The following CRACD variants were observed in gnomAD, a reference collection of about 807,000 sequenced individuals.
CRACD encodes capping protein-inhibiting regulator of actin dynamics.
CRACD carries 56 observed loss-of-function variants against 106.8 expected under a neutral mutation model. The ratio of observed to expected loss-of-function variants is 0.52; its 90% CI spans 0.42 to 0.66. CRACD has a LOEUF of 0.66. CRACD is among the 30% of genes least tolerant of loss of function. The probability of loss-of-function intolerance (pLI) is 0.00; values close to 1 mark genes in which losing one functional copy is unlikely to be tolerated. For missense variants in CRACD, 1,730 were observed against 1,623.2 expected, an observed-to-expected ratio of 1.07 and a Z score of -1.13; for synonymous variants, 754 against 670.8, an observed-to-expected ratio of 1.12 and a Z score of -1.92.
intron 2 of CRACD, among the ~76,000 whole-genome samples, chr4:56,261,364 T>C (rs1480135372): frequency 2.0e-5 from 3 of 150,064 alleles, no homozygotes; most frequent in Non-Finnish European, 4.4e-5. Context: ...TCTTCTTCTT[T>C]TTTTTTTTTT....
intron 1 of CRACD, among the ~76,000 whole-genome samples, chr4:56,130,670 A>G (rs1325727236): frequency 2.0e-5 from 3 of 152,200 alleles, no homozygotes; most frequent in Non-Finnish European, 4.4e-5. Context: ...TGATTTGCTC[A>G]TCTACTAGTT....
intron 2 of CRACD, among the ~76,000 whole-genome samples, chr4:56,222,781 GAAAAACAAAAAC>G (rs368424732): frequency 0.018 from 2,717 of 151,590 alleles, 78 homozygotes; most frequent in African/African-American, 0.061. Context: ...CATCTCTACT[GAAAAACAAAAAC>G]AAAAACAAAA....
chr4:56,219,400 T>C (rs1738911860), intron 2 of CRACD, among the ~76,000 whole-genome samples: 1 of 152,194 alleles, frequency 6.6e-6, no homozygotes, highest in Non-Finnish European at 1.5e-5. Flanking sequence ...CAGGCTGGAG[T>C]GCAGTGGTGT....
intron 1 of CRACD, among the ~76,000 whole-genome samples, chr4:56,154,072 A>T (rs934591502): frequency 6.6e-6 from 1 of 152,218 alleles, no homozygotes; most frequent in African/African-American, 2.4e-5. Flanking sequence ...ATTAGAAGAG[A>T]GTCACTGTGG....
chr4:56,074,174 T>C (rs944260862), intron 1 of CRACD, among the ~76,000 whole-genome samples: 1 of 152,224 alleles, frequency 6.6e-6, no homozygotes, highest in Admixed American at 6.5e-5. Flanking sequence ...ACGAGCTCTT[T>C]TTTGGTTCCA....
intron 2 of CRACD, among the ~76,000 whole-genome samples, chr4:56,220,793 G>A (rs1399720860): frequency 1.3e-5 from 2 of 152,152 alleles, no homozygotes; most frequent in Non-Finnish European, 2.9e-5. Context: ...TGTGGGCATA[G>A]TGGATAGCAA....
At chr4:56,172,875 G>A (rs761436855) in intron 1 of CRACD, among the ~76,000 whole-genome samples, 15 of 152,162 alleles carry the variant, frequency 9.9e-5, no homozygotes, top group Non-Finnish European at 1.9e-4. Context: ...GCCCACCTCA[G>A]CCTCCCAAAG....
chr4:56,100,664 T>C (rs67727646), intron 1 of CRACD, among the ~76,000 whole-genome samples: 34,273 of 151,964 alleles, frequency 0.23, 4,100 homozygotes, highest in Middle Eastern at 0.29. Context: ...CCAGTATGAG[T>C]GGTATCCTCA....
intron 1 of CRACD, among the ~76,000 whole-genome samples, chr4:56,094,421 CTTTTTTTTTT>C (rs1050719130): frequency 1.7e-5 from 2 of 117,084 alleles, no homozygotes; most frequent in Admixed American, 8.9e-5. Flanking sequence ...CATATAGATT[CTTTTTTTTTT>C]TTTTTTTTTT....
chr4:56,136,515 G>A (rs1735005102), intron 1 of CRACD, among the ~76,000 whole-genome samples: 1 of 152,156 alleles, frequency 6.6e-6, no homozygotes, highest in East Asian at 1.9e-4. Flanking sequence ...GGCTAATGAT[G>A]TTAAACATCT....
At chr4:56,155,103 G>A (rs1735723320) in intron 1 of CRACD, among the ~76,000 whole-genome samples, 1 of 152,046 alleles carries the variant, frequency 6.6e-6, no homozygotes, top group Non-Finnish European at 1.5e-5. Context: ...TTAAATCTTA[G>A]TGGCTTGCAA....
At chr4:56,091,924 CTTAAA>C (rs1365947226) in intron 1 of CRACD, among the ~76,000 whole-genome samples, 3 of 152,154 alleles carry the variant, frequency 2.0e-5, no homozygotes, top group East Asian at 3.9e-4. Context: ...TGTTATGGAG[CTTAAA>C]TTTTAAACTT....
At chr4:56,247,706 C>T (rs954268132) in intron 2 of CRACD, among the ~76,000 whole-genome samples, 15 of 152,050 alleles carry the variant, frequency 9.9e-5, no homozygotes, top group Non-Finnish European at 2.9e-5. Context: ...ATTAGCTAGG[C>T]GTGTTCATGT....
chr4:56,148,083 C>T (rs953813635), intron 1 of CRACD, among the ~76,000 whole-genome samples: 2 of 152,090 alleles, frequency 1.3e-5, no homozygotes, highest in East Asian at 3.9e-4. Context: ...AGGGAGGCCT[C>T]AGGAAAAACC....
intron 2 of CRACD, among the ~76,000 whole-genome samples, chr4:56,202,649 G>T (rs1283191331): frequency 6.6e-6 from 1 of 152,112 alleles, no homozygotes; most frequent in African/African-American, 2.4e-5. Context: ...AAACTTTAAT[G>T]AATAGGTTTT....
At chr4:56,101,438 C>T (rs1016579562) in intron 1 of CRACD, among the ~76,000 whole-genome samples, 8 of 152,100 alleles carry the variant, frequency 5.3e-5, no homozygotes, top group Non-Finnish European at 8.8e-5. Context: ...TGGCACTTGG[C>T]GTCTGTGTAT....
intron 9 of CRACD, among the ~76,000 whole-genome samples, 162 bp from the exon 10 acceptor site, chr4:56,323,942 G>A (rs530716601): frequency 2.4e-4 from 37 of 152,336 alleles, no homozygotes; most frequent in African/African-American, 8.7e-4. Context: ...CCCCCTCACC[G>A]GAAGCCGTGG....
intron 2 of CRACD, among the ~76,000 whole-genome samples, chr4:56,200,282 T>A (rs76940376): frequency 6.6e-6 from 1 of 152,170 alleles, no homozygotes; most frequent in East Asian, 1.9e-4. Flanking sequence ...CTCATTTTTT[T>A]ATATGAAACA....
At chr4:56,303,807 G>T (rs1167997735) in intron 4 of CRACD, among the ~76,000 whole-genome samples, 1 of 152,220 alleles carries the variant, frequency 6.6e-6, no homozygotes, top group Admixed American at 6.5e-5. Flanking sequence ...TCTCATCCCA[G>T]ATGGCTGTAG....
Sources: gnomAD v4.1 joint callset for allele counts (sites outside exome capture counted in the v4.1 genomes callset) on GRCh38, gnomAD v4.1.1 for gene constraint, MANE v1.5 for transcripts, NCBI Gene and HGNC (gene_info 2026-07-23, HGNC 2026-07-21) for gene names.